The following MAGI3 variants were observed in gnomAD, a reference collection of about 807,000 sequenced individuals.
MAGI3 encodes membrane-associated guanylate kinase, WW and PDZ domain-containing protein 3.
A neutral mutation model predicts 121.8 loss-of-function variants in MAGI3; 43 were observed. The ratio of observed to expected loss-of-function variants is 0.35; its 90% CI spans 0.28 to 0.46. MAGI3 has a LOEUF of 0.46. MAGI3 is among the 20% of genes least tolerant of loss of function. The pLI is 1.00. For synonymous variants in MAGI3, 553 were observed against 639.3 expected, an observed-to-expected ratio of 0.86 and a Z score of 2.04; for missense variants, 1,547 against 1,797.3, an observed-to-expected ratio of 0.86 and a Z score of 2.52.
intron 9 of MAGI3, among the ~76,000 whole-genome samples, chr1:113,623,453 T>TACACACAC (rs796174057): frequency 0.13 from 16,987 of 125,932 alleles, 1,281 homozygotes; most frequent in East Asian, 0.21. Flanking sequence ...TACACACACA[T>TACACACAC]ACACACACAC....
chr1:113,619,621 C>A, intron 7 of MAGI3, 115 bp from the exon 8 acceptor site: 1 of 698,976 alleles, frequency 1.4e-6, no homozygotes, highest in East Asian at 2.7e-5. Context: ...GTTCCATAGC[C>A]TAAAGATACA....
chr1:113,635,000 G>A (rs1363326510), intron 9 of MAGI3, among the ~76,000 whole-genome samples: 3 of 152,074 alleles, frequency 2.0e-5, no homozygotes, highest in Admixed American at 6.5e-5. Flanking sequence ...AAGCAATTGT[G>A]AATGGGAGTT....
At chr1:113,597,141 A>G (rs1649067843) in intron 6 of MAGI3, among the ~76,000 whole-genome samples, 1 of 152,210 alleles carries the variant, frequency 6.6e-6, no homozygotes, top group South Asian at 2.1e-4. Context: ...ATTGAGCAAT[A>G]AAAAGGAACA....
chr1:113,434,270 A>G (rs1653448122), intron 1 of MAGI3, among the ~76,000 whole-genome samples: 1 of 152,190 alleles, frequency 6.6e-6, no homozygotes, highest in Non-Finnish European at 1.5e-5. Flanking sequence ...TGAGTTAATC[A>G]TTAAAAGCAC....
chr1:113,441,700 A>G (rs957222813), intron 1 of MAGI3, among the ~76,000 whole-genome samples: 58 of 152,258 alleles, frequency 3.8e-4, no homozygotes, highest in African/African-American at 1.3e-3. Flanking sequence ...AGTAATACAC[A>G]CTCATCCCCA....
intron 1 of MAGI3, among the ~76,000 whole-genome samples, chr1:113,520,634 T>C (rs938423530): frequency 6.6e-6 from 1 of 152,140 alleles, no homozygotes; most frequent in Non-Finnish European, 1.5e-5. Context: ...AGATGGAGTC[T>C]CACTCTGTCA....
At chr1:113,546,537 A>C (rs575876698) in intron 1 of MAGI3, among the ~76,000 whole-genome samples, 1 of 151,838 alleles carries the variant, frequency 6.6e-6, no homozygotes, top group Non-Finnish European at 1.5e-5. Flanking sequence ...GGGTTTAATC[A>C]TGTTGGCTAG....
At chr1:113,393,264 T>C (rs1650922694) in intron 1 of MAGI3, among the ~76,000 whole-genome samples, 1 of 152,214 alleles carries the variant, frequency 6.6e-6, no homozygotes, top group South Asian at 2.1e-4. Flanking sequence ...TTTTGCCCTC[T>C]TGACAGCCAC....
At chr1:113,663,804 A>G (rs1653908728) in intron 16 of MAGI3, among the ~76,000 whole-genome samples, 1 of 152,062 alleles carries the variant, frequency 6.6e-6, no homozygotes, top group Non-Finnish European at 1.5e-5. Context: ...GCACCCTTTT[A>G]TATTCCCACC....
intron 1 of MAGI3, among the ~76,000 whole-genome samples, chr1:113,396,739 T>A (rs541013332): frequency 1.5e-4 from 23 of 152,324 alleles, no homozygotes; most frequent in African/African-American, 5.5e-4. Flanking sequence ...AGTGCCAGCA[T>A]GGAGCTAGCA....
intron 1 of MAGI3, among the ~76,000 whole-genome samples, chr1:113,512,934 G>C (rs987686908): frequency 1.3e-5 from 2 of 152,106 alleles, no homozygotes; most frequent in Non-Finnish European, 2.9e-5. Context: ...AAAGTCTCAG[G>C]ATACAAAATC....
chr1:113,429,007 G>A (rs1022358367), intron 1 of MAGI3, among the ~76,000 whole-genome samples: 1 of 152,054 alleles, frequency 6.6e-6, no homozygotes, highest in African/African-American at 2.4e-5. Context: ...CTCTTATATT[G>A]GACAGTGCAG....
intron 1 of MAGI3, among the ~76,000 whole-genome samples, chr1:113,406,061 T>G (rs538008606): frequency 2.3e-4 from 35 of 152,168 alleles, no homozygotes; most frequent in African/African-American, 7.0e-4. Context: ...AATATTTTAC[T>G]TTTAATTTGG....
chr1:113,439,311 C>G (rs1473912720), intron 1 of MAGI3, among the ~76,000 whole-genome samples: 2 of 152,224 alleles, frequency 1.3e-5, no homozygotes, highest in Non-Finnish European at 2.9e-5. Flanking sequence ...GGATAACAAA[C>G]TGGTAAGCGA....
chr1:113,473,801 C>T (rs1655666827), intron 1 of MAGI3, among the ~76,000 whole-genome samples: 1 of 152,162 alleles, frequency 6.6e-6, no homozygotes, highest in Non-Finnish European at 1.5e-5. Flanking sequence ...ATGGCTGAGT[C>T]AAATGGTAAT....
intron 2 of MAGI3, among the ~76,000 whole-genome samples, chr1:113,571,906 C>T (rs1337308429): frequency 6.6e-6 from 1 of 152,102 alleles, no homozygotes; most frequent in East Asian, 1.9e-4. Context: ...GCCTAATTGC[C>T]CTGGCCAGAA....
At chr1:113,519,921 C>G (rs1658094943) in intron 1 of MAGI3, among the ~76,000 whole-genome samples, 2 of 152,334 alleles carry the variant, frequency 1.3e-5, no homozygotes, top group Non-Finnish European at 2.9e-5. Context: ...AGGGGCTAGC[C>G]AAGGGCTAAT....
chr1:113,640,977 A>G (rs1434722728), intron 9 of MAGI3, among the ~76,000 whole-genome samples: 2 of 136,830 alleles, frequency 1.5e-5, no homozygotes, highest in African/African-American at 2.7e-5. Flanking sequence ...TATGATATAT[A>G]ATATATATAC....
chr1:113,448,444 G>C (rs1054191854), intron 1 of MAGI3, among the ~76,000 whole-genome samples: 1 of 152,176 alleles, frequency 6.6e-6, no homozygotes, highest in Non-Finnish European at 1.5e-5. Flanking sequence ...CAGTATAAGA[G>C]CAGAATTGTC....
Sources: allele counts gnomAD v4.1 joint callset (sites outside exome capture counted in the v4.1 genomes callset), GRCh38; gene constraint gnomAD v4.1.1; transcripts MANE v1.5; gene names NCBI Gene and HGNC (gene_info 2026-07-23, HGNC 2026-07-21).